PPP2R2D: variants seen among roughly 807,000 people sequenced by gnomAD.
PPP2R2D encodes protein phosphatase 2 regulatory subunit Bdelta.
In PPP2R2D, 9 loss-of-function variants were observed where a neutral mutation model predicts 31.1. That is an observed-to-expected ratio of 0.29 (90% confidence interval 0.17 to 0.51). The LOEUF (loss-of-function observed/expected upper bound fraction) is 0.51, where lower values mean the gene tolerates loss of function less well. Among genes scored for constraint, PPP2R2D ranks in the 20% least tolerant of loss-of-function variants. The pLI, the probability that PPP2R2D is intolerant of heterozygous loss-of-function variation, is 0.98. For synonymous variants in PPP2R2D, 179 were observed against 172.6 expected, an observed-to-expected ratio of 1.04 and a Z score of -0.29; for missense variants, 391 against 465.6, an observed-to-expected ratio of 0.84 and a Z score of 1.48.
intron 2 of PPP2R2D, among the ~76,000 whole-genome samples, chr10:131,934,149 T>C (rs1383543380): frequency 3.3e-5 from 5 of 152,220 alleles, no homozygotes; most frequent in African/African-American, 1.2e-4. Context: ...CTTTTACAGA[T>C]GAATTTTCTA....
chr10:131,949,591 C>T (rs1186414682), intron 8 of PPP2R2D, among the ~76,000 whole-genome samples: 1 of 152,070 alleles, frequency 6.6e-6, no homozygotes, highest in Admixed American at 6.5e-5. Context: ...TGTTGAGATC[C>T]TAAGTTAAAG....
At chr10:131,926,990 T>A (rs1165795111) in intron 2 of PPP2R2D, among the ~76,000 whole-genome samples, 1 of 152,030 alleles carries the variant, frequency 6.6e-6, no homozygotes, top group Non-Finnish European at 1.5e-5. Context: ...GAGGAGAGGG[T>A]GTGGTGACCA....
At position 131,945,201 on chromosome 10, in the gene PPP2R2D, C is replaced by T. The variant is rs529877213; in HGVS notation, c.656-94C>T. On this transcript the variant is annotated intron_variant, in intron 6 of 8. Coordinates refer to ENST00000455566, the MANE Select transcript of PPP2R2D (RefSeq NM_018461.5). This position sits in a 1 kb window ranked among gnomAD's most constrained non-coding sequence, Gnocchi z 4.8. ...ATAGCTAATCCCTTAAACCTCACTG[C>T]GTGGATTATTTGGCGTCCTATTTCG... The T allele has an allele frequency of 3.0e-5, 43 of 1,413,502 alleles. No individual in the cohort carries two copies. The East Asian group carries it at 3.5e-4, about 12-fold the overall frequency. 87.6% of individuals were successfully genotyped at this position (1,413,502 alleles called of 1,614,324 possible).
chr10:131,950,607 T>C (rs2036619704), intron 8 of PPP2R2D, among the ~76,000 whole-genome samples: 1 of 152,070 alleles, frequency 6.6e-6, no homozygotes, highest in Non-Finnish European at 1.5e-5. Flanking sequence ...TGGGAAACAA[T>C]GTATCACAAC....
intron 2 of PPP2R2D, among the ~76,000 whole-genome samples, chr10:131,905,412 A>G (rs1263515508): frequency 6.6e-6 from 1 of 152,150 alleles, no homozygotes; most frequent in Non-Finnish European, 1.5e-5. Context: ...CTCTCCTGGA[A>G]CGTACTTCAT....
chr10:131,923,838 C>T (rs544311817), intron 2 of PPP2R2D, among the ~76,000 whole-genome samples: 3 of 152,164 alleles, frequency 2.0e-5, no homozygotes, highest in Non-Finnish European at 4.4e-5. Context: ...TCATAGCTCA[C>T]TGTTAACTCC....
At chr10:131,935,114 A>G in intron 3 of PPP2R2D, 1 of 364,742 alleles carries the variant, frequency 2.7e-6, no homozygotes, top group Non-Finnish European at 5.5e-6. Context: ...ATAAGCAAGC[A>G]CTGGCTTCCC....
intron 8 of PPP2R2D, among the ~76,000 whole-genome samples, chr10:131,949,759 G>A (rs903668697): frequency 6.7e-6 from 1 of 149,830 alleles, no homozygotes. Flanking sequence ...CAAACATGAC[G>A]TGGAGACTGG....
Position 131,945,646 on chromosome 10 carries a change from G to C in PPP2R2D, c.820+187G>C. The C allele has an allele frequency of 1.5e-6, 1 of 660,952 alleles. No homozygotes were observed. Among genetic ancestry groups the C allele is most frequent in the Non-Finnish European group, 2.5e-6 (1 of 399,884 alleles). The allele number at this position is 660,952 out of a possible 1,614,324, so 40.9% of individuals were successfully genotyped here. A position where few individuals can be genotyped will look rare whatever the true frequency, so the allele number is the denominator to read the frequency against. On this transcript the variant is annotated intron_variant, in intron 7 of 8. Transcript: ENST00000455566. The surrounding 1 kb of genome is among the most constrained non-coding windows in gnomAD (Gnocchi z 4.8). ...AGCTAGTTTTTGTATTTTTAGTACAGACAGGGTTTCACCATGTTGACCAGA... is the reference window on the plus strand; with the variant it reads ...AGCTAGTTTTTGTATTTTTAGTACACACAGGGTTTCACCATGTTGACCAGA...
intron 2 of PPP2R2D, among the ~76,000 whole-genome samples, chr10:131,927,538 G>A (rs543050729): frequency 9.9e-5 from 15 of 152,228 alleles, no homozygotes; most frequent in African/African-American, 3.6e-4. Flanking sequence ...TGGAATACCT[G>A]CAGAGGGCAC....
intron 2 of PPP2R2D, among the ~76,000 whole-genome samples, chr10:131,914,060 G>A (rs1174958840): frequency 6.6e-6 from 1 of 152,308 alleles, no homozygotes; most frequent in Non-Finnish European, 1.5e-5. Flanking sequence ...GCCTGAAAGG[G>A]GCAGCAGGTT....
the PPP2R2D span, chr10:131,966,371 G>C: frequency 1.3e-5 from 2 of 152,164 alleles, no homozygotes; most frequent in African/African-American, 4.8e-5. Flanking sequence ...CTGTAGAAAA[G>C]AAGGGTTATT....
rs142949814 is a variant in PPP2R2D at position 131,956,996 on chromosome 10, G to C, written c.*1033G>C. 3 of 152,212 alleles carry C rather than the reference G, an allele frequency of 2.0e-5. No individual in the cohort carries two copies. Among genetic ancestry groups the C allele is most frequent in the Admixed American group, 1.3e-4 (2 of 15,284 alleles). The allele number at this position is 152,212 out of a possible 1,614,324, so 9.4% of individuals were successfully genotyped here. On this transcript the variant is annotated 3_prime_UTR_variant, in exon 9 of 9. Transcript: ENST00000455566. ...CAAAATTAAGCAATTTTAATTACACGATGCCACCAGTACGTTGGTTTATTT... is the reference window on the plus strand; with the variant it reads ...CAAAATTAAGCAATTTTAATTACACCATGCCACCAGTACGTTGGTTTATTT...
intron 2 of PPP2R2D, among the ~76,000 whole-genome samples, chr10:131,905,763 C>T (rs2035572351): frequency 6.6e-6 from 1 of 152,198 alleles, no homozygotes. Flanking sequence ...GGAGCCACGC[C>T]GACTGGCCGC....
chr10:131,971,043 G>A, the PPP2R2D span: 109 of 1,372,726 alleles, frequency 7.9e-5, no homozygotes, highest in Non-Finnish European at 9.9e-5. Context: ...GCTCCCACCC[G>A]AGCTTCAGAT....
chr10:131,913,548 G>A (rs1169455427), intron 2 of PPP2R2D, among the ~76,000 whole-genome samples: 11 of 152,142 alleles, frequency 7.2e-5, no homozygotes, highest in African/African-American at 2.7e-4. Context: ...GTAATGGGGT[G>A]GAAGAGGAAT....
intron 3 of PPP2R2D, among the ~76,000 whole-genome samples, chr10:131,937,303 T>A (rs1183264859): frequency 6.6e-6 from 1 of 152,094 alleles, no homozygotes; most frequent in African/African-American, 2.4e-5. Flanking sequence ...GCCCAGCCAA[T>A]AAAACTAAGG....
In PPP2R2D at chr10:131,937,279, A is replaced by G. The variant is rs536349547; in HGVS notation, c.198+2724A>G. Among the ~76,000 whole-genome samples, 190 of 152,316 alleles carry G rather than the reference A, an allele frequency of 1.2e-3. 1 individual carries two copies. Among genetic ancestry groups the G allele is most frequent in the Middle Eastern group, 3.4e-3 (1 of 294 alleles). On this transcript the variant is annotated intron_variant, in intron 3 of 8. Coordinates refer to ENST00000455566, the MANE Select transcript of PPP2R2D (RefSeq NM_018461.5). ...TTTTCTTACTTTTCTGTGCAGATTA[A>G]GTCTTACAGGAAAGCCCAGCCAATA... is the stretch of plus-strand genomic sequence containing the variant.
At chr10:131,950,665 A>T (rs1013793234) in intron 8 of PPP2R2D, among the ~76,000 whole-genome samples, 1 of 152,214 alleles carries the variant, frequency 6.6e-6, no homozygotes, top group African/African-American at 2.4e-5. Context: ...CCCTGCAGAA[A>T]GGGGCTGAGA....
Sources: allele counts gnomAD v4.1 joint callset (sites outside exome capture counted in the v4.1 genomes callset), GRCh38; gene constraint gnomAD v4.1.1; non-coding constraint Gnocchi (gnomAD v3.1); transcripts MANE v1.5; gene names NCBI Gene and HGNC (gene_info 2026-07-23, HGNC 2026-07-21).